GCFC2: variants seen among roughly 807,000 people sequenced by gnomAD.
GCFC2 encodes intron Large complex component GCFC2.
Under a neutral mutation model 99.4 loss-of-function variants are expected in GCFC2, and 102 were observed. That is an observed-to-expected ratio of 1.03 (90% CI 0.87 to 1.21). The LOEUF is 1.21. Among genes scored for constraint, GCFC2 ranks in the 50% most tolerant of loss-of-function variants. GCFC2 has a pLI of 0.00. For missense variants in GCFC2, 973 were observed against 920.9 expected, an observed-to-expected ratio of 1.06 and a Z score of -0.73; for synonymous variants, 338 against 316.8, an observed-to-expected ratio of 1.07 and a Z score of -0.71.
chr2:75,666,180 A>G (rs989207666), intron 15 of GCFC2, 127 bp from the exon 16 acceptor site: 3 of 663,672 alleles, frequency 4.5e-6, no homozygotes, highest in Non-Finnish European at 7.1e-6. Context: ...GTTAAATAAA[A>G]ATTTCTAAAG....
chr2:75,687,691 T>G lies in GCFC2; in HGVS notation c.1690+136A>C, dbSNP rs967429221. 4 of 701,020 alleles carry G rather than the reference T, an allele frequency of 5.7e-6. No homozygotes were observed. The African/African-American group carries it at 7.4e-5, about 13-fold the overall frequency. 43.4% of individuals were successfully genotyped at this position (701,020 alleles called of 1,614,324 possible). A position where few individuals can be genotyped will look rare whatever the true frequency, so the allele number is the denominator to read the frequency against. ...TTTTAACCACCTTACATTTGACAGC[T>G]GTTGATTTTTACTACATATAACATT... On this transcript the variant is annotated intron_variant, in intron 11 of 16. Transcript: ENST00000321027.
chr2:75,666,414 A>G (rs138411158), intron 15 of GCFC2, among the ~76,000 whole-genome samples: 2 of 152,200 alleles, frequency 1.3e-5, no homozygotes, highest in African/African-American at 4.8e-5. Flanking sequence ...AAATACATAC[A>G]TTCACTATTA....
intron 12 of GCFC2, among the ~76,000 whole-genome samples, chr2:75,673,960 C>A (rs1325495394): frequency 1.3e-5 from 2 of 152,190 alleles, no homozygotes; most frequent in African/African-American, 2.4e-5. Context: ...TTACATCATT[C>A]CTGCAGTATA....
chr2:75,677,478 A>G (rs1679394886), intron 12 of GCFC2, among the ~76,000 whole-genome samples: 1 of 152,204 alleles, frequency 6.6e-6, no homozygotes, highest in Non-Finnish European at 1.5e-5. Context: ...TTTGGTTGTG[A>G]AGACCGGGGA....
chr2:75,667,000 C>T (rs914793592), intron 15 of GCFC2, among the ~76,000 whole-genome samples: 2 of 152,106 alleles, frequency 1.3e-5, no homozygotes, highest in African/African-American at 4.8e-5. Flanking sequence ...ATCTCTATCT[C>T]ATCTTTAGCT....
At chr2:75,673,076 C>T (rs555290860) in intron 13 of GCFC2, among the ~76,000 whole-genome samples, 25 of 152,016 alleles carry the variant, frequency 1.6e-4, no homozygotes, top group Non-Finnish European at 2.6e-4. Context: ...TTTGGGAGGC[C>T]AAGGCGGGCG....
At chr2:75,685,600 AGTGCTATAGTATCTCAGGATTCAG>A (rs1387763882) in intron 11 of GCFC2, among the ~76,000 whole-genome samples, 2 of 152,036 alleles carry the variant, frequency 1.3e-5, no homozygotes, top group African/African-American at 4.8e-5. Flanking sequence ...TTGACTTCCC[AGTGCTATAGTATCTCAGGATTCAG>A]GTCACTTACC....
chr2:75,705,011 C>T (rs1375690806), intron 2 of GCFC2, among the ~76,000 whole-genome samples: 1 of 152,200 alleles, frequency 6.6e-6, no homozygotes, highest in South Asian at 2.1e-4. Context: ...ACAGTAGCCA[C>T]TAGCCCTATG....
At chr2:75,699,278 T>C (rs138560016) in intron 4 of GCFC2, among the ~76,000 whole-genome samples, 45 of 152,326 alleles carry the variant, frequency 3.0e-4, no homozygotes, top group Middle Eastern at 3.4e-3. Flanking sequence ...TTTTTCCAAA[T>C]GGTTAGTTCT....
chr2:75,675,464 C>T (rs1044063862), intron 12 of GCFC2, among the ~76,000 whole-genome samples: 3 of 152,026 alleles, frequency 2.0e-5, no homozygotes, highest in African/African-American at 4.8e-5. Context: ...ATTCACTGGC[C>T]GGTTGCCGTG....
In GCFC2 at chr2:75,706,631, A is replaced by G. The variant is rs752709632; in HGVS notation, c.286T>C (p.Ser96Pro). The G allele has an allele frequency of 1.3e-6, 2 of 1,592,414 alleles. No individual in the cohort carries two copies. Among genetic ancestry groups the G allele is most frequent in the Admixed American group, 3.4e-5 (2 of 59,620 alleles). The change falls in exon 2 of 17, where the codon TCC (serine) becomes CCC (proline). Residue 96 changes from serine to proline, a missense_variant. By Grantham distance (74) the Ser-to-Pro change is moderately conservative. Coordinates refer to ENST00000321027, the MANE Select transcript of GCFC2 (RefSeq NM_003203.5). ...EGSESRTLDV[S>P]TDEEDKIHHS... ...TGTATTTTATCCTCTTCATCTGTGGACACATCAAGGGTTCTGGATTCTAAC... is the reference window on the plus strand; with the variant it reads ...TGTATTTTATCCTCTTCATCTGTGGGCACATCAAGGGTTCTGGATTCTAAC...
rs777162194 is a variant in GCFC2 at position 75,665,973 on chromosome 2, C to G, written c.2184G>C (p.Gln728His). 1 of 1,600,420 alleles carries G rather than the reference C, an allele frequency of 6.2e-7. No individual in the cohort carries two copies. Among genetic ancestry groups the G allele is most frequent in the African/African-American group, 1.3e-5 (1 of 74,684 alleles). ...TSIPQLENFI[Q>H]FLLQSAHKLS... ...ATTTATGTGCAGACTGCAATAAAAA[C>G]TGAATGAAGTTTTCTAGCTGTGGAA... Residue 728 changes from glutamine to histidine, a missense_variant, in exon 16 of 17, where the codon CAG (glutamine) becomes CAC (histidine). Physicochemically the swap from Gln to His is conservative, Grantham distance 24. Coordinates refer to ENST00000321027, the MANE Select transcript of GCFC2 (RefSeq NM_003203.5).
Position 75,679,256 on chromosome 2 carries a change from G to A in GCFC2, c.1812+937C>T, listed in dbSNP as rs532854170. Among the ~76,000 whole-genome samples, 15 of 152,124 alleles carry A rather than the reference G, an allele frequency of 9.9e-5. No homozygotes were observed. The South Asian group carries it at 3.1e-3, about 32-fold the overall frequency. On this transcript the variant is annotated intron_variant, in intron 12 of 16. Coordinates refer to ENST00000321027, the MANE Select transcript of GCFC2 (RefSeq NM_003203.5). Reference sequence around the variant, plus strand: ...CTCCTTTGTAATCACAGTTCCAAGGGCTAAAACTTAATGGTGCTCATAATA... The same window carrying A: ...CTCCTTTGTAATCACAGTTCCAAGGACTAAAACTTAATGGTGCTCATAATA...
intron 11 of GCFC2, among the ~76,000 whole-genome samples, chr2:75,682,539 T>C (rs1679628483): frequency 6.6e-6 from 1 of 151,814 alleles, no homozygotes; most frequent in Non-Finnish European, 1.5e-5. Flanking sequence ...ATGCCCGTTC[T>C]TCAAAGAATC....
At chr2:75,690,124 T>G in intron 8 of GCFC2, 43 bp from the exon 9 acceptor site, 1 of 1,126,142 alleles carries the variant, frequency 8.9e-7, no homozygotes, top group South Asian at 1.3e-5. Flanking sequence ...AAGTAAGTAG[T>G]TCTTGCTGAA....
intron 14 of GCFC2, chr2:75,670,517 A>G (rs574528063): frequency 2.9e-6 from 1 of 350,636 alleles, no homozygotes; most frequent in South Asian, 3.8e-5. Flanking sequence ...TCTATCTCAA[A>G]TAACTTCACT....
Position 75,689,243 on chromosome 2 carries a change from C to T in GCFC2, c.1340-18G>A. On this transcript the variant is annotated intron_variant, in intron 9 of 16. Transcript: ENST00000321027. ...AATGTCACCTGTAAACAAAATAAGTCTCTTTATGCATTTTAAGTTGTGAAC... is the reference window on the plus strand; with the variant it reads ...AATGTCACCTGTAAACAAAATAAGTTTCTTTATGCATTTTAAGTTGTGAAC... The T allele has an allele frequency of 7.2e-7, 1 of 1,386,508 alleles. No individual in the cohort carries two copies. Among genetic ancestry groups the T allele is most frequent in the South Asian group, 1.2e-5 (1 of 83,340 alleles). 85.9% of individuals were successfully genotyped at this position (1,386,508 alleles called of 1,614,324 possible). A position where few individuals can be genotyped will look rare whatever the true frequency, so the allele number is the denominator to read the frequency against.
At chr2:75,705,616 C>CCA in intron 2 of GCFC2, among the ~76,000 whole-genome samples, 1 of 84,340 alleles carries the variant, frequency 1.2e-5, no homozygotes, top group South Asian at 5.0e-4. Context: ...GACTCCATCT[C>CCA]AAAAAAAAAA....
intron 11 of GCFC2, among the ~76,000 whole-genome samples, 188 bp downstream of exon 11, chr2:75,687,639 A>G (rs1239009242): frequency 6.6e-6 from 1 of 152,244 alleles, no homozygotes; most frequent in East Asian, 1.9e-4. Context: ...GCAGTTTGGT[A>G]GCCAACCACC....
Sources: gnomAD v4.1 joint callset for allele counts (sites outside exome capture counted in the v4.1 genomes callset) on GRCh38, gnomAD v4.1.1 for gene constraint, MANE v1.5 for transcripts, NCBI Gene and HGNC (gene_info 2026-07-23, HGNC 2026-07-21) for gene names.